POLR3B: variants seen among roughly 807,000 people sequenced by gnomAD.
The protein encoded by POLR3B is RNA polymerase III subunit B, also known as DNA-directed RNA polymerase III subunit RPC2.
POLR3B carries 96 observed loss-of-function variants against 147.4 expected under a neutral mutation model. The ratio of observed to expected loss-of-function variants is 0.65; its 90% confidence interval spans 0.55 to 0.77. The LOEUF (loss-of-function observed/expected upper bound fraction) is 0.77, where lower values mean the gene tolerates loss of function less well. POLR3B is among the 30% of genes least tolerant of loss of function. The pLI, the probability that POLR3B is intolerant of heterozygous loss-of-function variation, is 0.00. For synonymous variants in POLR3B, 461 were observed against 485.9 expected, an observed-to-expected ratio of 0.95 and a Z score of 0.67; for missense variants, 1,036 against 1,413.5, an observed-to-expected ratio of 0.73 and a Z score of 4.28.
chr12:106,444,443 A>G lies in POLR3B; in HGVS notation c.1956-20A>G, dbSNP rs372628492. 1.7e-5 allele frequency: 27 copies of G among 1,613,176 alleles called. No individual in the cohort carries two copies. The African/African-American group carries it at 2.8e-4, about 17-fold the overall frequency. ...TTGTACTTGATGCTTAAGATATGTG[A>G]TTTTTACTTAACTTGTTAGAGACAC... On this transcript the variant is annotated intron_variant, in intron 18 of 27. Transcript: ENST00000228347.
chr12:106,469,218 T>C (rs2038052676), intron 23 of POLR3B, among the ~76,000 whole-genome samples: 1 of 152,110 alleles, frequency 6.6e-6, no homozygotes, highest in Non-Finnish European at 1.5e-5. Flanking sequence ...TCTCTTTTGA[T>C]TTTTGTTGGT....
intron 10 of POLR3B, among the ~76,000 whole-genome samples, chr12:106,397,963 C>T (rs771104182): frequency 5.3e-5 from 8 of 152,316 alleles, no homozygotes; most frequent in East Asian, 1.9e-4. Context: ...ACTGAGATAC[C>T]GGGTTCATCT....
chr12:106,368,096 A>G lies in POLR3B; in HGVS notation c.228-1179A>G, dbSNP rs551135370. On this transcript the variant is annotated intron_variant, in intron 4 of 27. Coordinates refer to ENST00000228347, the MANE Select transcript of POLR3B (RefSeq NM_018082.6). ...CAGTCCTGTCATTTTTCTGTTGTTCAGACTGTTTCAGCTTTGACCATAGGG... is the reference window on the plus strand; with the variant it reads ...CAGTCCTGTCATTTTTCTGTTGTTCGGACTGTTTCAGCTTTGACCATAGGG... Among the ~76,000 whole-genome samples the G allele has an allele frequency of 2.6e-5, 4 of 152,044 alleles. No individual in the cohort carries two copies. The South Asian group carries it at 6.2e-4, about 24-fold the overall frequency.
chr12:106,395,475 A>G (rs1593016393), intron 10 of POLR3B, among the ~76,000 whole-genome samples: 1 of 152,092 alleles, frequency 6.6e-6, no homozygotes, highest in East Asian at 1.9e-4. Flanking sequence ...TATCAGGAGG[A>G]CAGCACCAAG....
intron 12 of POLR3B, 134 bp from the exon 13 acceptor site, chr12:106,427,063 A>G (rs1261064337): frequency 1.5e-6 from 1 of 660,974 alleles, no homozygotes; most frequent in African/African-American, 1.8e-5. Flanking sequence ...ACTGAATTTG[A>G]AAATAGCAAT....
At chr12:106,500,659 C>T (rs1016821928) in intron 25 of POLR3B, among the ~76,000 whole-genome samples, 1 of 152,018 alleles carries the variant, frequency 6.6e-6, no homozygotes, top group East Asian at 1.9e-4. Context: ...GAATACCTGG[C>T]GGGAGAGTGT....
Position 106,509,335 on chromosome 12 carries a change from T to A in POLR3B, c.3273-85T>A, listed in dbSNP as rs1275555425. 9.6e-6 allele frequency: 13 copies of A among 1,358,494 alleles called. No homozygotes were observed. In the Admixed American group the frequency reaches 2.2e-4, roughly 23 times the overall value. 84.2% of individuals were successfully genotyped at this position (1,358,494 alleles called of 1,614,324 possible). Reference sequence around the variant, plus strand: ...TAATTTGATAGAATGATAATAGAACTTTATAGAGACCATTCTCACTTCCTA... The same window carrying A: ...TAATTTGATAGAATGATAATAGAACATTATAGAGACCATTCTCACTTCCTA... On this transcript the variant is annotated intron_variant, in intron 27 of 27. Transcript: ENST00000228347.
chr12:106,376,986 T>C (rs1428840695), intron 7 of POLR3B, among the ~76,000 whole-genome samples: 1 of 152,328 alleles, frequency 6.6e-6, no homozygotes, highest in East Asian at 1.9e-4. Flanking sequence ...TCTTGTTTAT[T>C]GCCATGATTT....
At chr12:106,359,532 G>T (rs556569654) in intron 1 of POLR3B, among the ~76,000 whole-genome samples, 17 of 151,962 alleles carry the variant, frequency 1.1e-4, no homozygotes, top group Non-Finnish European at 2.2e-4. Flanking sequence ...GGGTTTCACT[G>T]TGTTGGCCAT....
chr12:106,392,272 C>G (rs1204977986), intron 9 of POLR3B, among the ~76,000 whole-genome samples: 1 of 152,212 alleles, frequency 6.6e-6, no homozygotes. Flanking sequence ...AAGCGATTCT[C>G]CTGCCTCAGC....
rs572766156 is a variant in POLR3B, at chr12:106,462,803, C to A, written c.2571-675C>A. 2.6e-5 allele frequency among the ~76,000 whole-genome samples: 4 copies of A among 152,306 alleles called. No homozygotes were observed. In the South Asian group the frequency reaches 8.3e-4, roughly 32 times the overall value. ...TGTCAGTGACCCACTCTGGTCAGGT[C>A]TCAAGTTGAGGTTTACCTCTTCTGT... On this transcript the variant is annotated intron_variant, in intron 22 of 27. Coordinates refer to ENST00000228347, the MANE Select transcript of POLR3B (RefSeq NM_018082.6).
intron 25 of POLR3B, chr12:106,500,014 G>T (rs2038572325): frequency 2.2e-6 from 1 of 451,580 alleles, no homozygotes; most frequent in East Asian, 7.0e-5. Context: ...AATCAGACCA[G>T]TGTTGCAGGG....
intron 23 of POLR3B, among the ~76,000 whole-genome samples, chr12:106,478,271 C>T (rs1414348190): frequency 6.6e-6 from 1 of 152,116 alleles, no homozygotes; most frequent in East Asian, 1.9e-4. Context: ...ATACAGGCGT[C>T]TAGGTAAAAC....
intron 9 of POLR3B, among the ~76,000 whole-genome samples, chr12:106,390,456 A>T (rs1296503189): frequency 6.6e-6 from 1 of 152,088 alleles, no homozygotes. Context: ...AGTAAATGCA[A>T]CTCAGTGTGC....
intron 12 of POLR3B, among the ~76,000 whole-genome samples, chr12:106,420,844 A>G (rs1003559210): frequency 2.0e-5 from 3 of 152,304 alleles, no homozygotes; most frequent in Admixed American, 1.3e-4. Context: ...CTACTCAACA[A>G]CTAGACTATT....
chr12:106,474,651 G>A (rs530991349), intron 23 of POLR3B, among the ~76,000 whole-genome samples: 6,071 of 140,834 alleles, frequency 0.043, 152 homozygotes, highest in Middle Eastern at 0.07. Flanking sequence ...GTTTATTTGC[G>A]TAGAGGTGTT....
chr12:106,426,852 C>T lies in POLR3B; in HGVS notation c.1102-345C>T, dbSNP rs1017127143. On this transcript the variant is annotated intron_variant, in intron 12 of 27. Coordinates refer to ENST00000228347, the MANE Select transcript of POLR3B (RefSeq NM_018082.6). ...TCTTCTCCACCGTCCCCCCCCCCCC[C>T]CCCCGTCCTTTTTGGTTTTAATATA... 4.7e-5 allele frequency among the ~76,000 whole-genome samples: 5 copies of T among 106,620 alleles called. 1 individual carries two copies. Among genetic ancestry groups the T allele is most frequent in the South Asian group, 7.2e-4 (2 of 2,776 alleles). 69.9% of individuals were successfully genotyped at this position (106,620 alleles called of 152,430 possible).
chr12:106,439,579 A>T (rs1221373317), intron 18 of POLR3B, among the ~76,000 whole-genome samples: 4 of 149,566 alleles, frequency 2.7e-5, no homozygotes, highest in African/African-American at 5.0e-5. Flanking sequence ...CAGGAGGTGG[A>T]GGCTCTGTGA....
At chr12:106,408,335 G>A (rs564696479) in intron 11 of POLR3B, among the ~76,000 whole-genome samples, 1 of 152,302 alleles carries the variant, frequency 6.6e-6, no homozygotes, top group African/African-American at 2.4e-5. Flanking sequence ...GCCTGCAGAG[G>A]CCTTTGTCTT....
Sources: gnomAD v4.1 joint callset for allele counts (sites outside exome capture counted in the v4.1 genomes callset) on GRCh38, gnomAD v4.1.1 for gene constraint, MANE v1.5 for transcripts, NCBI Gene and HGNC (gene_info 2026-07-23, HGNC 2026-07-21) for gene names.